The following NR2F1-AS1 variants were observed in gnomAD, a reference collection of about 807,000 sequenced individuals.
The protein encoded by NR2F1-AS1 is NR2F1 antisense RNA 1.
intron 4 of NR2F1-AS1, among the ~76,000 whole-genome samples, chr5:93,413,697 T>C (rs997140741): frequency 6.6e-6 from 1 of 152,148 alleles, no homozygotes; most frequent in African/African-American, 2.4e-5. Context: ...TGGGCAAGGA[T>C]CTGAATGCAA....
intron 1 of NR2F1-AS1, among the ~76,000 whole-genome samples, chr5:93,575,884 G>GC (rs992691332): frequency 1.3e-5 from 2 of 152,016 alleles, no homozygotes; most frequent in Non-Finnish European, 2.9e-5. Context: ...CCTAATCATC[G>GC]CCCCCCATGT....
intron 4 of NR2F1-AS1, among the ~76,000 whole-genome samples, chr5:93,488,346 T>C (rs1432287075): frequency 2.0e-5 from 3 of 152,170 alleles, no homozygotes; most frequent in South Asian, 2.1e-4. Flanking sequence ...ATCCATCTGA[T>C]GAAGGGCTAA....
intron 1 of NR2F1-AS1, among the ~76,000 whole-genome samples, chr5:93,576,347 G>T (rs1284770841): frequency 1.3e-5 from 2 of 151,752 alleles, no homozygotes; most frequent in Non-Finnish European, 2.9e-5. Context: ...TTTGAAATGG[G>T]TAAATAAAAT....
chr5:93,429,174 A>G (rs575256094), intron 4 of NR2F1-AS1, among the ~76,000 whole-genome samples: 1 of 152,010 alleles, frequency 6.6e-6, no homozygotes, highest in Admixed American at 6.5e-5. Flanking sequence ...CATTCTTGGT[A>G]CTCTTATATG....
chr5:93,447,739 A>T (rs1749746064), intron 4 of NR2F1-AS1, among the ~76,000 whole-genome samples: 1 of 152,206 alleles, frequency 6.6e-6, no homozygotes, highest in African/African-American at 2.4e-5. Context: ...ATGCTGCTAT[A>T]AAGACACATG....
At chr5:93,563,364 C>T (rs1752538870) in exon 2 of NR2F1-AS1, 2 of 152,136 alleles carry the variant, frequency 1.3e-5, no homozygotes, top group Admixed American at 1.3e-4. Flanking sequence ...ATATTCTTAC[C>T]GCCATTCATC....
chr5:93,451,713 A>G (rs1362602511), intron 4 of NR2F1-AS1, among the ~76,000 whole-genome samples: 1 of 152,156 alleles, frequency 6.6e-6, no homozygotes, highest in African/African-American at 2.4e-5. Context: ...TGACTATAAC[A>G]TATTTAATTC....
chr5:93,523,442 C>A (rs966617098), intron 4 of NR2F1-AS1, among the ~76,000 whole-genome samples: 16 of 152,138 alleles, frequency 1.1e-4, no homozygotes, highest in Non-Finnish European at 1.9e-4. Context: ...CTTAAACATT[C>A]CTGCCTGCCG....
intron 1 of NR2F1-AS1, among the ~76,000 whole-genome samples, chr5:93,572,805 C>T (rs967064538): frequency 2.0e-5 from 3 of 152,254 alleles, no homozygotes; most frequent in African/African-American, 7.2e-5. Context: ...AACCACACCT[C>T]AGAGGGCTGC....
At chr5:93,436,659 T>G (rs1288556904) in intron 4 of NR2F1-AS1, among the ~76,000 whole-genome samples, 1 of 152,190 alleles carries the variant, frequency 6.6e-6, no homozygotes, top group East Asian at 1.9e-4. Context: ...TTTGAGATGC[T>G]TCTGTACTAT....
At chr5:93,582,373 G>T (rs1243733950), upstream of NR2F1-AS1, among the ~76,000 whole-genome samples, 3 of 151,820 alleles carry the variant, frequency 2.0e-5, no homozygotes, top group Non-Finnish European at 2.9e-5. Context: ...GATCGAATTT[G>T]TGGCAATAGC....
At position 93,543,795 on chromosome 5, in the gene NR2F1-AS1, A is replaced by G. The variant is rs146494148; in HGVS notation, n.638+9966T>C. The stretch of plus-strand genomic sequence containing the variant: ...ATAATGTATTTGTGCTATTCATGTT[A>G]TCCTCACTTCAGCTGACTTATGTAC... On this transcript the variant is annotated intron_variant and non_coding_transcript_variant, in intron 4 of 5. Coordinates refer to ENST00000660523, the Ensembl canonical transcript of NR2F1-AS1. The G allele has an allele frequency of 5.6e-4, 85 of 152,340 alleles. 1 individual carries two copies. The highest frequency in any genetic ancestry group is 2.0e-3 in the African/African-American group (82 of 41,588). The allele number at this position is 152,340 out of a possible 1,614,324, so 9.4% of individuals were successfully genotyped here.
chr5:93,473,212 CAG>C (rs1190857913), intron 4 of NR2F1-AS1, among the ~76,000 whole-genome samples: 3 of 151,696 alleles, frequency 2.0e-5, no homozygotes, highest in Non-Finnish European at 4.4e-5. Context: ...GAAAAATGAA[CAG>C]ATATGGATAC....
At chr5:93,561,676 G>A (rs1042337557) in intron 2 of NR2F1-AS1, among the ~76,000 whole-genome samples, 1 of 152,056 alleles carries the variant, frequency 6.6e-6, no homozygotes, top group Non-Finnish European at 1.5e-5. Flanking sequence ...ATGAGACTGA[G>A]GCGGAAGGAT....
intron 4 of NR2F1-AS1, among the ~76,000 whole-genome samples, chr5:93,498,107 T>A (rs1751003148): frequency 6.6e-6 from 1 of 152,070 alleles, no homozygotes; most frequent in Non-Finnish European, 1.5e-5. Context: ...GAGGGTTACT[T>A]GAGGCCAGGA....
At chr5:93,480,266 C>A (rs1198712726) in intron 4 of NR2F1-AS1, among the ~76,000 whole-genome samples, 1 of 151,874 alleles carries the variant, frequency 6.6e-6, no homozygotes, top group Non-Finnish European at 1.5e-5. Context: ...TTGAAATCAG[C>A]AAGAGAGAAG....
At chr5:93,495,338 T>G (rs1580276065) in intron 4 of NR2F1-AS1, among the ~76,000 whole-genome samples, 1 of 152,308 alleles carries the variant, frequency 6.6e-6, no homozygotes, top group East Asian at 1.9e-4. Flanking sequence ...TTGATTTTTG[T>G]CTTTTCTCAT....
intron 4 of NR2F1-AS1, among the ~76,000 whole-genome samples, chr5:93,445,454 G>A (rs1381372770): frequency 6.6e-6 from 1 of 152,084 alleles, no homozygotes; most frequent in Non-Finnish European, 1.5e-5. Context: ...TAGAAGAAAT[G>A]GATAAATTCC....
At chr5:93,450,868 T>C (rs1199150592) in intron 4 of NR2F1-AS1, among the ~76,000 whole-genome samples, 4 of 145,544 alleles carry the variant, frequency 2.7e-5, no homozygotes, top group African/African-American at 7.8e-5. Context: ...TGAGCTATGA[T>C]TGCACCACTG....
Sources: gnomAD v4.1 joint callset for allele counts (sites outside exome capture counted in the v4.1 genomes callset) on GRCh38, gnomAD v4.1.1 for gene constraint, MANE v1.5 for transcripts, NCBI Gene and HGNC (gene_info 2026-07-23, HGNC 2026-07-21) for gene names.